Variants in CNNM3 observed in about 807,000 individuals in gnomAD.
CNNM3 encodes the protein cyclin and CBS domain divalent metal cation transport mediator 3, also known as metal transporter CNNM3.
CNNM3 carries 47 observed loss-of-function variants against 57.1 expected under a neutral mutation model. The ratio of observed to expected loss-of-function variants is 0.82; its 90% CI spans 0.65 to 1.05. CNNM3 has a LOEUF of 1.05. Among genes scored for constraint, CNNM3 ranks in the 50% least tolerant of loss-of-function variants. The pLI is 0.00. For synonymous variants in CNNM3, 507 were observed against 478.2 expected, an observed-to-expected ratio of 1.06 and a Z score of -0.79; for missense variants, 957 against 973.7, an observed-to-expected ratio of 0.98 and a Z score of 0.23.
chr2:96,834,224 C>A lies in CNNM3; in HGVS notation c.*1608C>A, dbSNP rs2079652443. 6.6e-6 allele frequency among the ~76,000 whole-genome samples: 1 copy of A among 151,970 alleles called. No individual in the cohort carries two copies. The highest frequency in any genetic ancestry group is 6.6e-5 in the Admixed American group (1 of 15,250). On this transcript the variant is annotated 3_prime_UTR_variant, in exon 8 of 8. Coordinates refer to ENST00000305510, the MANE Select transcript of CNNM3 (RefSeq NM_017623.5). Reference sequence around the variant, plus strand: ...TGAGCTAAGATCAGGGATTCTTAACCTTGGCTGCACACCAGAATCACCTGG... The same window carrying A: ...TGAGCTAAGATCAGGGATTCTTAACATTGGCTGCACACCAGAATCACCTGG...
chr2:96,825,279 TG>T, intron 2 of CNNM3, 78 bp downstream of exon 2: 1 of 1,518,548 alleles, frequency 6.6e-7, no homozygotes, highest in Non-Finnish European at 9.0e-7. Flanking sequence ...CAGAGGCCAG[TG>T]GGCCTCTGTG....
At chr2:96,818,620 C>G (rs2079361191) in intron 1 of CNNM3, among the ~76,000 whole-genome samples, 1 of 152,204 alleles carries the variant, frequency 6.6e-6, no homozygotes, top group Non-Finnish European at 1.5e-5. Context: ...CCTCCCTTCA[C>G]TGTTTTAGCT....
At chr2:96,828,251 C>A in intron 5 of CNNM3, 56 bp downstream of exon 5, 1 of 1,411,254 alleles carries the variant, frequency 7.1e-7, no homozygotes, top group Non-Finnish European at 1.0e-6. Context: ...AGAGCCTGTC[C>A]CCCATCATCA....
intron 1 of CNNM3, among the ~76,000 whole-genome samples, chr2:96,819,420 G>C (rs756619582): frequency 2.0e-5 from 3 of 152,164 alleles, no homozygotes; most frequent in African/African-American, 7.2e-5. Flanking sequence ...ACAGACCTGC[G>C]GGGGGAGACT....
rs1393340451 is a variant in CNNM3 at position 96,817,226 on chromosome 2, G to T, written c.949G>T (p.Val317Leu). 4 of 1,602,766 alleles carry T rather than the reference G, an allele frequency of 2.5e-6. No homozygotes were observed. The highest frequency in any genetic ancestry group is 3.4e-6 in the Non-Finnish European group (4 of 1,176,380). ...GCTGCGCTGCCGGACCGTGGAGGACGTGCTCACGCCCCTCGAAGACTGCTT... is the reference window on the plus strand; with the variant it reads ...GCTGCGCTGCCGGACCGTGGAGGACTTGCTCACGCCCCTCGAAGACTGCTT... The part of the protein sequence containing the change: ...GVLRCRTVED[V>L]LTPLEDCFML... The change falls in exon 1 of 8, where the codon GTG becomes TTG. Residue 317 changes from valine (V) to leucine (L), a missense_variant. Val to Leu is a conservative substitution (Grantham distance 32, BLOSUM62 1). Transcript: ENST00000305510.
At chr2:96,830,541 A>G (rs2079584614) in intron 7 of CNNM3, among the ~76,000 whole-genome samples, 1 of 152,200 alleles carries the variant, frequency 6.6e-6, no homozygotes, top group African/African-American at 2.4e-5. Context: ...GGTGCAAGGG[A>G]CAGAAATCCC....
chr2:96,828,276 GC>G, intron 5 of CNNM3, 81 bp downstream of exon 5: 2 of 1,176,206 alleles, frequency 1.7e-6, no homozygotes, highest in Non-Finnish European at 2.5e-6. Flanking sequence ...GGCTCTCAGT[GC>G]CCCTCCTCAC....
chr2:96,824,348 T>C (rs2079458263), intron 1 of CNNM3, among the ~76,000 whole-genome samples: 1 of 152,160 alleles, frequency 6.6e-6, no homozygotes, highest in Non-Finnish European at 1.5e-5. Flanking sequence ...GGCTCCCGAG[T>C]GGCCAGCTAC....
chr2:96,829,325 C>G, intron 7 of CNNM3, 191 bp downstream of exon 7: 2 of 585,626 alleles, frequency 3.4e-6, no homozygotes, highest in Non-Finnish European at 4.3e-6. Flanking sequence ...TGGAGTCTTA[C>G]TCTGTTGCTC....
chr2:96,824,934 T>C, intron 1 of CNNM3, 124 bp from the exon 2 acceptor site: 1 of 1,046,698 alleles, frequency 9.6e-7, no homozygotes, highest in Non-Finnish European at 1.4e-6. Flanking sequence ...AGTGTGGCTC[T>C]GTGCCTGGCA....
intron 7 of CNNM3, 145 bp from the exon 8 acceptor site, chr2:96,832,407 C>G: frequency 1.5e-5 from 23 of 1,502,252 alleles, no homozygotes; most frequent in East Asian, 2.4e-5. Context: ...ACCAGTCGCT[C>G]CTGTTTCTGC....
At chr2:96,818,383 CTT>C (rs755863198) in intron 1 of CNNM3, among the ~76,000 whole-genome samples, 51 of 125,274 alleles carry the variant, frequency 4.1e-4, no homozygotes, top group East Asian at 9.0e-4. Context: ...GTGCCCGGCC[CTT>C]TTTTTTTTTT....
intron 1 of CNNM3, among the ~76,000 whole-genome samples, chr2:96,819,458 G>A (rs975868677): frequency 1.3e-5 from 2 of 152,194 alleles, no homozygotes; most frequent in Admixed American, 1.3e-4. Flanking sequence ...AGTGCCTGGC[G>A]TGCATATGCT....
At chr2:96,826,794 G>A (rs1053003413) in intron 2 of CNNM3, 39 bp from the exon 3 acceptor site, 1 of 1,611,438 alleles carries the variant, frequency 6.2e-7, no homozygotes, top group African/African-American at 1.3e-5. Context: ...TGACTGACAG[G>A]TGGCTGATGC....
intron 7 of CNNM3, among the ~76,000 whole-genome samples, chr2:96,831,634 A>G (rs2079603455): frequency 6.6e-6 from 1 of 152,200 alleles, no homozygotes; most frequent in African/African-American, 2.4e-5. Context: ...ACAAAAACTA[A>G]AAATATTGGT....
downstream of CNNM3, among the ~76,000 whole-genome samples, chr2:96,836,192 C>T (rs1037101334): frequency 6.7e-6 from 1 of 150,328 alleles, no homozygotes; most frequent in South Asian, 2.1e-4. Flanking sequence ...AAGCAGTTCT[C>T]CCTCTTCAGC....
At chr2:96,820,936 C>T (rs2079395409) in intron 1 of CNNM3, among the ~76,000 whole-genome samples, 1 of 152,180 alleles carries the variant, frequency 6.6e-6, no homozygotes, top group Non-Finnish European at 1.5e-5. Context: ...CTGTTCTGGG[C>T]TGGGTGGCCT....
chr2:96,831,883 C>G, intron 7 of CNNM3: 1 of 723,894 alleles, frequency 1.4e-6, no homozygotes, highest in Non-Finnish European at 1.7e-6. Flanking sequence ...GGCACCGGCC[C>G]TCTCCATGGT....
chr2:96,818,052 A>G (rs1467145131), intron 1 of CNNM3, among the ~76,000 whole-genome samples: 1 of 152,168 alleles, frequency 6.6e-6, no homozygotes, highest in Non-Finnish European at 1.5e-5. Context: ...AAAGTCAGGG[A>G]AACTTAACAC....
Sources: allele counts gnomAD v4.1 joint callset (sites outside exome capture counted in the v4.1 genomes callset), GRCh38; gene constraint gnomAD v4.1.1; transcripts MANE v1.5; gene names NCBI Gene and HGNC (gene_info 2026-07-23, HGNC 2026-07-21).